FER: variants seen among roughly 807,000 people sequenced by gnomAD.
FER encodes the protein tyrosine-protein kinase Fer.
Under a neutral mutation model 111.0 loss-of-function variants are expected in FER, and 63 were observed. The observed-to-expected ratio is 0.57, with a 90% CI of 0.46 to 0.70. The LOEUF (loss-of-function observed/expected upper bound fraction) is 0.70, where lower values mean the gene tolerates loss of function less well. FER is among the 30% of genes least tolerant of loss of function. The pLI is 0.00. For synonymous variants in FER, 327 were observed against 313.9 expected (o/e 1.04, Z -0.44); for missense variants, 914 against 954.0 (o/e 0.96, Z 0.55).
At chr5:108,808,911 A>G (rs543164715) in intron 3 of FER, among the ~76,000 whole-genome samples, 1 of 152,278 alleles carries the variant, frequency 6.6e-6, no homozygotes, top group African/African-American at 2.4e-5. Flanking sequence ...CTGAAAGTAC[A>G]CCCCTAATCT....
At chr5:108,758,309 AGTTGAATC>A (rs1294160214) in intron 1 of FER, among the ~76,000 whole-genome samples, 282 of 152,338 alleles carry the variant, frequency 1.9e-3, no homozygotes, top group African/African-American at 6.1e-3. Flanking sequence ...ACCTACCTAG[AGTTGAATC>A]TGTGCTCCTA....
At chr5:108,812,658 T>C (rs994892111) in intron 3 of FER, among the ~76,000 whole-genome samples, 5 of 152,154 alleles carry the variant, frequency 3.3e-5, no homozygotes, top group Admixed American at 6.6e-5. Flanking sequence ...TTCTCCTGTT[T>C]CTTTTGGATT....
chr5:109,167,086 A>G (rs1582353132), intron 17 of FER, among the ~76,000 whole-genome samples: 1 of 152,130 alleles, frequency 6.6e-6, no homozygotes, highest in South Asian at 2.1e-4. Flanking sequence ...TTGCATAACT[A>G]TCTCTTCTTA....
At chr5:108,834,467 A>G (rs28651469) in intron 4 of FER, among the ~76,000 whole-genome samples, 45,215 of 151,956 alleles carry the variant, frequency 0.3, 7,031 homozygotes, top group African/African-American at 0.34. Flanking sequence ...GGAGGCCAAG[A>G]TGGGCAGATC....
chr5:109,032,163 G>T (rs1320661338), intron 13 of FER, among the ~76,000 whole-genome samples: 2 of 152,178 alleles, frequency 1.3e-5, no homozygotes, highest in Admixed American at 6.5e-5. Context: ...ATGCCAGAGA[G>T]ACTGCTGCAT....
At chr5:109,181,386 A>G (rs375344837) in intron 18 of FER, among the ~76,000 whole-genome samples, 1 of 152,166 alleles carries the variant, frequency 6.6e-6, no homozygotes, top group Admixed American at 6.5e-5. Context: ...TGGGAATTAC[A>G]TTTTAAAACG....
intron 2 of FER, among the ~76,000 whole-genome samples, chr5:108,780,553 A>G (rs1753951367): frequency 6.7e-6 from 1 of 148,772 alleles, no homozygotes. Flanking sequence ...TTTATCTTTT[A>G]TTTTCTGTAG....
At chr5:108,864,516 G>A (rs1763839409) in intron 5 of FER, among the ~76,000 whole-genome samples, 2 of 152,142 alleles carry the variant, frequency 1.3e-5, no homozygotes, top group African/African-American at 4.8e-5. Flanking sequence ...GCAACAGAAG[G>A]GAGCCTGCCG....
chr5:109,026,958 C>T (rs1305525322), intron 13 of FER, among the ~76,000 whole-genome samples: 2 of 152,068 alleles, frequency 1.3e-5, no homozygotes, highest in East Asian at 1.9e-4. Context: ...GGATTACAGG[C>T]GTGAGCCACC....
At chr5:108,936,499 G>T (rs745307031) in intron 10 of FER, among the ~76,000 whole-genome samples, 1 of 151,936 alleles carries the variant, frequency 6.6e-6, no homozygotes, top group African/African-American at 2.4e-5. Context: ...CTTATTGCCT[G>T]TTGACGTAAT....
At chr5:109,071,959 C>T (rs928830968) in intron 16 of FER, among the ~76,000 whole-genome samples, 5 of 150,604 alleles carry the variant, frequency 3.3e-5, no homozygotes, top group Non-Finnish European at 5.9e-5. Context: ...CATTTTTTGA[C>T]GATGGTCTCG....
chr5:108,949,145 A>G (rs1757392747), intron 11 of FER, among the ~76,000 whole-genome samples: 1 of 152,084 alleles, frequency 6.6e-6, no homozygotes, highest in South Asian at 2.1e-4. Flanking sequence ...GTTAAGTTGT[A>G]CATCAGTTGT....
At chr5:108,979,988 T>G (rs1761844278) in intron 13 of FER, among the ~76,000 whole-genome samples, 1 of 152,128 alleles carries the variant, frequency 6.6e-6, no homozygotes, top group South Asian at 2.1e-4. Flanking sequence ...AGATACCAGG[T>G]AATTATCATT....
At chr5:108,977,025 T>G (rs547787033) in intron 13 of FER, among the ~76,000 whole-genome samples, 1 of 152,228 alleles carries the variant, frequency 6.6e-6, no homozygotes, top group Non-Finnish European at 1.5e-5. Flanking sequence ...CTTTTTACTG[T>G]GATAGAGTTT....
chr5:108,868,014 C>G, intron 6 of FER, 64 bp downstream of exon 6: 4 of 1,477,298 alleles, frequency 2.7e-6, no homozygotes, highest in South Asian at 1.2e-5. Flanking sequence ...TATTTTCTCT[C>G]TAGTTTAGGT....
intron 5 of FER, among the ~76,000 whole-genome samples, chr5:108,849,173 A>T (rs565688898): frequency 6.6e-6 from 1 of 151,918 alleles, no homozygotes; most frequent in African/African-American, 2.4e-5. Context: ...AGCTTCTTGT[A>T]TTTGAGTTTT....
At chr5:108,824,181 C>A (rs1027075246) in intron 3 of FER, among the ~76,000 whole-genome samples, 7 of 151,938 alleles carry the variant, frequency 4.6e-5, no homozygotes, top group Admixed American at 3.3e-4. Flanking sequence ...GATTAATATA[C>A]CTTTGGAAAT....
intron 11 of FER, 29 bp from the exon 12 acceptor site, chr5:108,954,700 T>TA: frequency 7.1e-7 from 1 of 1,401,496 alleles, no homozygotes; most frequent in Non-Finnish European, 9.5e-7. Flanking sequence ...TTCTCTAATT[T>TA]AGTTTTTTTT....
intron 17 of FER, among the ~76,000 whole-genome samples, chr5:109,162,424 A>G (rs1363513640): frequency 6.6e-6 from 1 of 152,156 alleles, no homozygotes; most frequent in Non-Finnish European, 1.5e-5. Context: ...AATAAAGGCC[A>G]AAATGAAAAG....
Sources: gnomAD v4.1 joint callset for allele counts (sites outside exome capture counted in the v4.1 genomes callset) on GRCh38, gnomAD v4.1.1 for gene constraint, MANE v1.5 for transcripts, NCBI Gene and HGNC (gene_info 2026-07-23, HGNC 2026-07-21) for gene names.